Variants in C1orf105 observed in about 807,000 individuals in gnomAD.
C1orf105 encodes the protein chromosome 1 open reading frame 105, also known as uncharacterized protein C1orf105.
Under a neutral mutation model 20.8 loss-of-function variants are expected in C1orf105, and 17 were observed. The observed-to-expected ratio is 0.82, with a 90% CI of 0.56 to 1.23. The LOEUF is 1.23. Ranked by LOEUF, C1orf105 falls within the 50% of genes most tolerant of loss-of-function variation. C1orf105 has a pLI of 0.00. For missense variants in C1orf105, 219 were observed against 213.5 expected (o/e 1.03, Z -0.16); for synonymous variants, 72 against 72.1 (o/e 1.00, Z 0.01).
At chr1:172,465,393 T>C (rs1208134578) in intron 6 of C1orf105, 30 bp downstream of exon 6, 2 of 1,480,878 alleles carry the variant, frequency 1.4e-6, no homozygotes, top group Non-Finnish European at 1.9e-6. Context: ...ACTTATAGTG[T>C]GAAACACACT....
intron 5 of C1orf105, 29 bp downstream of exon 5, chr1:172,462,274 A>G (rs1335405792): frequency 6.6e-7 from 1 of 1,522,054 alleles, no homozygotes; most frequent in African/African-American, 1.4e-5. Flanking sequence ...TCAGGACATG[A>G]CTTAATTCTT....
intron 3 of C1orf105, chr1:172,453,337 A>G: frequency 9.5e-7 from 1 of 1,052,772 alleles, no homozygotes; most frequent in Non-Finnish European, 1.3e-6. Context: ...TATGATTGAC[A>G]AAAGTCACCC....
At chr1:172,453,946 C>T (rs912768841) in intron 3 of C1orf105, among the ~76,000 whole-genome samples, 1 of 152,148 alleles carries the variant, frequency 6.6e-6, no homozygotes, top group African/African-American at 2.4e-5. Flanking sequence ...AGATGACAGT[C>T]ATTATGTTAT....
intron 1 of C1orf105, chr1:172,443,314 A>G (rs1647547386): frequency 1.2e-5 from 2 of 167,078 alleles, no homozygotes; most frequent in Admixed American, 6.5e-5. Flanking sequence ...GTGTAAATTT[A>G]TAGGGATAAT....
At chr1:172,467,470 C>A (rs550043571) in intron 6 of C1orf105, among the ~76,000 whole-genome samples, 213 of 152,310 alleles carry the variant, frequency 1.4e-3, no homozygotes, top group South Asian at 7.5e-3. Context: ...TCCCATGACA[C>A]CCACGGACTC....
At chr1:172,453,801 G>A (rs1362660162) in intron 3 of C1orf105, among the ~76,000 whole-genome samples, 1 of 152,194 alleles carries the variant, frequency 6.6e-6, no homozygotes, top group Admixed American at 6.5e-5. Flanking sequence ...CCCAACTGAG[G>A]TTAGGAGGGT....
At chr1:172,445,298 T>C (rs1647864145) in intron 2 of C1orf105, 140 bp downstream of exon 2, 1 of 710,780 alleles carries the variant, frequency 1.4e-6, no homozygotes, top group Non-Finnish European at 2.3e-6. Context: ...AAAATAGAAA[T>C]AATCCGGGTT....
rs189685638 is a variant in C1orf105 at position 172,449,649 on chromosome 1, G to A, written c.198+1118G>A. 5.0e-3 allele frequency among the ~76,000 whole-genome samples: 766 copies of A among 152,266 alleles called. 8 individuals carry two copies. Among genetic ancestry groups the A allele is most frequent in the African/African-American group, 0.018 (728 of 41,544 alleles). ...AATGCACACAGGGCCCAACAGACAA[G>A]AGCAGAGAGGACACATTGAAGGTTT... On this transcript the variant is annotated intron_variant, in intron 3 of 6. Transcript: ENST00000367727.
At chr1:172,429,223 TACACACACACACACACAC>T (rs3838965) in intron 1 of C1orf105, among the ~76,000 whole-genome samples, 4 of 150,976 alleles carry the variant, frequency 2.6e-5, no homozygotes, top group African/African-American at 9.7e-5. Flanking sequence ...AATACAAATA[TACACACACACACACACAC>T]ACACACACAC....
chr1:172,440,959 C>T (rs1429921350), intron 1 of C1orf105, among the ~76,000 whole-genome samples: 1 of 152,180 alleles, frequency 6.6e-6, no homozygotes, highest in Non-Finnish European at 1.5e-5. Flanking sequence ...CAAAGTATGC[C>T]AGTTTCACTC....
intron 1 of C1orf105, chr1:172,428,883 T>C (rs1452225267): frequency 8.9e-6 from 6 of 674,514 alleles, no homozygotes; most frequent in African/African-American, 5.4e-5. Flanking sequence ...CCACACACTA[T>C]AAAAATCTGA....
chr1:172,446,753 G>C (rs930976850), intron 2 of C1orf105, among the ~76,000 whole-genome samples: 1 of 152,126 alleles, frequency 6.6e-6, no homozygotes, highest in Non-Finnish European at 1.5e-5. Context: ...ACTGGGCATC[G>C]GCAGCACCTG....
At chr1:172,421,235 TC>T (rs1331297475) in intron 1 of C1orf105, among the ~76,000 whole-genome samples, 1 of 152,168 alleles carries the variant, frequency 6.6e-6, no homozygotes, top group Non-Finnish European at 1.5e-5. Flanking sequence ...TTAGTGCAGT[TC>T]CCTGAGATTC....
At position 172,448,387 on chromosome 1, in the gene C1orf105, G is replaced by C. The variant is rs910808687; in HGVS notation, c.108-54G>C. 2.5e-6 allele frequency: 3 copies of C among 1,207,326 alleles called. No homozygotes were observed. The African/African-American group carries it at 4.5e-5, about 18-fold the overall frequency. The allele number at this position is 1,207,326 out of a possible 1,614,324, so 74.8% of individuals were successfully genotyped here. On this transcript the variant is annotated intron_variant, in intron 2 of 6. Transcript: ENST00000367727. ...TTCTCTCAGAAACAACCAAGGGCCT[G>C]GCTCTTCAAACATGGGACTGCGGTT... is the stretch of plus-strand genomic sequence containing the variant.
chr1:172,455,957 C>T (rs1649187905), intron 3 of C1orf105, among the ~76,000 whole-genome samples: 1 of 152,174 alleles, frequency 6.6e-6, no homozygotes, highest in East Asian at 1.9e-4. Context: ...AAAAGATTTG[C>T]AGAAGAGAAG....
chr1:172,432,454 G>A (rs1214421855), intron 1 of C1orf105, among the ~76,000 whole-genome samples: 1 of 152,204 alleles, frequency 6.6e-6, no homozygotes. Flanking sequence ...AGCCTCCGCT[G>A]GTGATAACCA....
chr1:172,444,400 T>C (rs537640251), intron 1 of C1orf105: 11 of 656,348 alleles, frequency 1.7e-5, no homozygotes, highest in African/African-American at 2.0e-5. Context: ...CGTGCATCCA[T>C]GCGTTCATTC....
intron 3 of C1orf105, chr1:172,452,789 A>C: frequency 7.4e-7 from 1 of 1,356,672 alleles, no homozygotes; most frequent in Non-Finnish European, 9.5e-7. Flanking sequence ...CACAACTGCC[A>C]TCTGCTATCC....
At position 172,468,588 on chromosome 1, in the gene C1orf105, G is replaced by A. The variant is rs776530374; in HGVS notation, c.546G>A (p.Arg182=). Residue 182 remains arginine, a synonymous_variant, in exon 7 of 7, where the codon AGG becomes AGA. Coordinates refer to ENST00000367727, the MANE Select transcript of C1orf105 (RefSeq NM_139240.4). ...AGGAACCAATAGGCAAGACAACGAG[G>A]CAGTGAGCGGTAGGAGCTCATCACC... ...PRKEPIGKTT[R]Q 2 of 1,613,190 alleles carry A rather than the reference G, an allele frequency of 1.2e-6. No homozygotes were observed. The highest frequency in any genetic ancestry group is 1.7e-6 in the Non-Finnish European group (2 of 1,179,368).
Sources: allele counts gnomAD v4.1 joint callset (sites outside exome capture counted in the v4.1 genomes callset), GRCh38; gene constraint gnomAD v4.1.1; transcripts MANE v1.5; gene names NCBI Gene and HGNC (gene_info 2026-07-23, HGNC 2026-07-21).